Variants in UBE4B observed in about 807,000 individuals in gnomAD.
UBE4B encodes the protein ubiquitin conjugation factor E4 B.
Under a neutral mutation model 148.1 loss-of-function variants are expected in UBE4B, and 27 were observed. The observed-to-expected ratio is 0.18, with a 90% confidence interval of 0.13 to 0.25. UBE4B has a LOEUF of 0.25. UBE4B is among the 10% of genes least tolerant of loss of function. The pLI, the probability that UBE4B is intolerant of heterozygous loss-of-function variation, is 1.00. For missense variants in UBE4B, 1,170 were observed against 1,662.4 expected, an observed-to-expected ratio of 0.70 and a Z score of 5.15; for synonymous variants, 596 against 619.3, an observed-to-expected ratio of 0.96 and a Z score of 0.56.
chr1:10,066,395 C>G lies in UBE4B; in HGVS notation c.25-5633C>G, dbSNP rs183583941. On this transcript the variant is annotated intron_variant, in intron 1 of 27. Coordinates refer to ENST00000343090, the MANE Select transcript of UBE4B (RefSeq NM_001105562.3). ...CCCCCTGCCTCAGCCTCCCAGAGTG[C>G]TGAGATTACAGGTGTGAGCCACCAC... Among the ~76,000 whole-genome samples the G allele has an allele frequency of 5.6e-3, 844 of 151,834 alleles. 8 individuals carry two copies. The highest frequency in any genetic ancestry group is 0.02 in the African/African-American group (817 of 41,388).
rs930217901 is a variant in UBE4B at position 10,107,497 on chromosome 1, A to G, written c.1196+914A>G. The G allele has an allele frequency of 1.8e-5, 20 of 1,106,510 alleles. No individual in the cohort carries two copies. The African/African-American group carries it at 3.1e-4, about 17-fold the overall frequency. 68.5% of individuals were successfully genotyped at this position (1,106,510 alleles called of 1,614,324 possible). On this transcript the variant is annotated intron_variant, in intron 7 of 27. Transcript: ENST00000343090. ...GATAGGGTCAAATGAGGTGGGCTCC[A>G]GAGTATATTGATGTGTTCAGACCTT... is the stretch of plus-strand genomic sequence containing the variant.
At chr1:10,133,651 C>G (rs1426308462) in intron 15 of UBE4B, among the ~76,000 whole-genome samples, 3 of 152,174 alleles carry the variant, frequency 2.0e-5, no homozygotes, top group East Asian at 1.9e-4. Context: ...TGGCTCACGC[C>G]TGTAATCTCA....
intron 22 of UBE4B, among the ~76,000 whole-genome samples, chr1:10,160,126 A>G (rs1310059426): frequency 6.6e-6 from 1 of 152,220 alleles, no homozygotes; most frequent in African/African-American, 2.4e-5. Context: ...CCAGAGTCTA[A>G]CAGAGGTAGG....
rs1166568012 is a variant in UBE4B, at chr1:10,033,361, A to T, written c.-310A>T. 2 of 272,070 alleles carry T rather than the reference A, an allele frequency of 7.4e-6. No homozygotes were observed. Among genetic ancestry groups the T allele is most frequent in the Middle Eastern group, 1.0e-3 (1 of 990 alleles). The allele number at this position is 272,070 out of a possible 1,614,324, so 16.9% of individuals were successfully genotyped here. A position where few individuals can be genotyped will look rare whatever the true frequency, so the allele number is the denominator to read the frequency against. On this transcript the variant is annotated 5_prime_UTR_variant, in exon 1 of 28. Transcript: ENST00000343090. ...TGGAGACCGCGCTGCCTAGCTGGGTAACCTGGGAAGCAGAGGGTAATAAGT... is the reference window on the plus strand; with the variant it reads ...TGGAGACCGCGCTGCCTAGCTGGGTTACCTGGGAAGCAGAGGGTAATAAGT...
chr1:10,160,814 GT>G (rs1262046160), intron 22 of UBE4B, among the ~76,000 whole-genome samples: 2 of 152,204 alleles, frequency 1.3e-5, no homozygotes, highest in South Asian at 2.1e-4. Context: ...GTGGTGGTGT[GT>G]GCCTGTAGTT....
chr1:10,042,162 G>A (rs1182684715), intron 1 of UBE4B, among the ~76,000 whole-genome samples: 3 of 152,166 alleles, frequency 2.0e-5, no homozygotes, highest in African/African-American at 7.2e-5. Flanking sequence ...GTAGCCCCAA[G>A]CTCTTGTAGG....
At position 10,117,582 on chromosome 1, in the gene UBE4B, G is replaced by C; in HGVS notation, c.1320G>C (p.Glu440Asp). 1 of 1,559,370 alleles carries C rather than the reference G, an allele frequency of 6.4e-7. No individual in the cohort carries two copies. Among genetic ancestry groups the C allele is most frequent in the Non-Finnish European group, 8.6e-7 (1 of 1,159,898 alleles). Residue 440 changes from glutamate to aspartate, a missense_variant, in exon 8 of 28, where the codon GAG becomes GAC. By Grantham distance (45) the Glu-to-Asp change is conservative (BLOSUM62 2). Around this residue, in one of 6 missense-constraint regions of UBE4B, gnomAD observed 388 missense variants for 536.0 expected, o/e 0.72. Transcript: ENST00000343090. Reference protein sequence around the residue: ...LIECFDRVGIEEKKAPKMCSQ... With the variant: ...LIECFDRVGIDEKKAPKMCSQ... ...AGTGTTTCGACCGAGTTGGAATAGA[G>C]GAAAAAAAAGCACCAAAGGTAATAT...
chr1:10,104,507 C>A (rs542171263), intron 5 of UBE4B, among the ~76,000 whole-genome samples: 1 of 151,892 alleles, frequency 6.6e-6, no homozygotes, highest in Non-Finnish European at 1.5e-5. Flanking sequence ...TAAATGGATG[C>A]GTGAATATCA....
intron 23 of UBE4B, among the ~76,000 whole-genome samples, chr1:10,163,592 C>T (rs543439926): frequency 3.6e-4 from 54 of 151,820 alleles, no homozygotes; most frequent in African/African-American, 1.1e-3. Flanking sequence ...TGCTTGAACC[C>T]GGGAGGCGGA....
At position 10,178,834 on chromosome 1, in the gene UBE4B, G is replaced by T. The variant is rs371067994; in HGVS notation, c.3700+16G>T. On this transcript the variant is annotated intron_variant, in intron 26 of 27. Coordinates refer to ENST00000343090, the MANE Select transcript of UBE4B (RefSeq NM_001105562.3). ...GAGTTCAGAGGCAAGTGGACTCGTC[G>T]TTTTCATGCTGATTTCTTTTGAGTT... 1.9e-6 allele frequency: 3 copies of T among 1,565,622 alleles called. No homozygotes were observed. The highest frequency in any genetic ancestry group is 2.3e-5 in the East Asian group (1 of 43,566).
At chr1:10,131,878 G>A (rs888335328) in intron 14 of UBE4B, among the ~76,000 whole-genome samples, 6 of 151,948 alleles carry the variant, frequency 3.9e-5, no homozygotes, top group Non-Finnish European at 7.4e-5. Flanking sequence ...GCTTGAAACC[G>A]GGAGGCGGAG....
intron 2 of UBE4B, chr1:10,072,449 A>G (rs1041055174): frequency 3.0e-6 from 2 of 676,146 alleles, no homozygotes; most frequent in Non-Finnish European, 2.6e-6. Flanking sequence ...TTTTTTTTCA[A>G]ACAGGTTTAG....
intron 12 of UBE4B, 69 bp from the exon 13 acceptor site, chr1:10,130,431 A>T: frequency 8.2e-7 from 1 of 1,224,964 alleles, no homozygotes; most frequent in South Asian, 1.2e-5. Context: ...GGAGCTGGAG[A>T]GTTTTCATTA....
At position 10,129,399 on chromosome 1, in the gene UBE4B, G is replaced by C. The variant is rs752124501; in HGVS notation, c.1646G>C (p.Gly549Ala). The change falls in exon 12 of 28, where the codon GGT becomes GCT. Residue 549 changes from glycine (G) to alanine (A), a missense_variant. Physicochemically the swap from Gly to Ala is moderately conservative, Grantham distance 60 (BLOSUM62 0). Coordinates refer to ENST00000343090, the MANE Select transcript of UBE4B (RefSeq NM_001105562.3). ...CTCTGATCTTATTTCTAGGCACTAG[G>C]TGAGCTCTGTGAAACCAAGTTTGGG... The part of the protein sequence containing the change: ...DYFKYPLMAL[G>A]ELCETKFGKT... 4 of 1,611,940 alleles carry C rather than the reference G, an allele frequency of 2.5e-6. No individual in the cohort carries two copies. Among genetic ancestry groups the C allele is most frequent in the Non-Finnish European group, 1.7e-6 (2 of 1,178,240 alleles).
At chr1:10,138,036 G>C (rs894759992) in intron 17 of UBE4B, among the ~76,000 whole-genome samples, 1 of 144,738 alleles carries the variant, frequency 6.9e-6, no homozygotes, top group Non-Finnish European at 1.5e-5. Flanking sequence ...CCAGGTTCAA[G>C]CGATTCTCCT....
At chr1:10,098,506 G>A (rs1397984473) in intron 3 of UBE4B, among the ~76,000 whole-genome samples, 6 of 152,170 alleles carry the variant, frequency 3.9e-5, no homozygotes, top group Non-Finnish European at 2.9e-5. Context: ...CTGTCCTGTA[G>A]ACTATGAACT....
chr1:10,038,164 G>A lies in UBE4B; in HGVS notation c.24+4470G>A, dbSNP rs923377754. ...GCGTGGTGGCACATGCCTGTGATCCGAGGTACTCAGGAGGCTGAGGCAGGA... is the reference window on the plus strand; with the variant it reads ...GCGTGGTGGCACATGCCTGTGATCCAAGGTACTCAGGAGGCTGAGGCAGGA... On this transcript the variant is annotated intron_variant, in intron 1 of 27. Transcript: ENST00000343090. 7.9e-5 allele frequency among the ~76,000 whole-genome samples: 12 copies of A among 151,708 alleles called. 1 individual carries two copies. The highest frequency in any genetic ancestry group is 2.0e-4 in the Admixed American group (3 of 15,214).
At chr1:10,123,915 AG>A (rs1274051259) in intron 10 of UBE4B, among the ~76,000 whole-genome samples, 5 of 152,038 alleles carry the variant, frequency 3.3e-5, no homozygotes, top group Non-Finnish European at 7.4e-5. Flanking sequence ...CTGGGATTAC[AG>A]GCGCCTGCCA....
chr1:10,170,741 TACTG>T (rs1179493934), intron 24 of UBE4B, among the ~76,000 whole-genome samples: 2 of 152,210 alleles, frequency 1.3e-5, no homozygotes, highest in Non-Finnish European at 2.9e-5. Flanking sequence ...GTTTATGAAA[TACTG>T]GCTGGAAGAG....
Sources: allele counts gnomAD v4.1 joint callset (sites outside exome capture counted in the v4.1 genomes callset), GRCh38; gene constraint gnomAD v4.1.1; regional missense constraint gnomAD v4.1.1; transcripts MANE v1.5; gene names NCBI Gene and HGNC (gene_info 2026-07-23, HGNC 2026-07-21).